Variants in RCL1 observed in about 807,000 individuals in gnomAD.
The protein encoded by RCL1 is RNA terminal phosphate cyclase like 1, also known as RNA 3'-terminal phosphate cyclase-like protein.
Under a neutral mutation model 42.4 loss-of-function variants are expected in RCL1, and 24 were observed. The observed-to-expected ratio is 0.57, with a 90% CI of 0.41 to 0.80. The LOEUF (loss-of-function observed/expected upper bound fraction) is 0.80. RCL1 is among the 30% of genes least tolerant of loss of function. RCL1 has a pLI of 0.00. For synonymous variants in RCL1, 228 were observed against 177.3 expected (o/e 1.29, Z -2.27); for missense variants, 578 against 467.9 (o/e 1.24, Z -2.17).
chr9:4,840,794 C>G (rs914460641), intron 5 of RCL1, among the ~76,000 whole-genome samples: 2 of 152,118 alleles, frequency 1.3e-5, no homozygotes, highest in African/African-American at 2.4e-5. Context: ...GGTGTCTGTT[C>G]TGGGCTTAGG....
chr9:4,833,099 C>T (rs749447259), intron 3 of RCL1, 55 bp from the exon 4 acceptor site: 11 of 1,249,432 alleles, frequency 8.8e-6, no homozygotes, highest in Non-Finnish European at 1.3e-5. Flanking sequence ...TTTTTTGACT[C>T]TTGTATTCTG....
chr9:4,825,663 C>G (rs1816736855), intron 2 of RCL1, among the ~76,000 whole-genome samples: 1 of 152,164 alleles, frequency 6.6e-6, no homozygotes, highest in African/African-American at 2.4e-5. Flanking sequence ...AGATTTTGTG[C>G]AGCAGAAATA....
chr9:4,817,518 G>A (rs1179993504), intron 1 of RCL1, among the ~76,000 whole-genome samples: 1 of 149,706 alleles, frequency 6.7e-6, no homozygotes, highest in Non-Finnish European at 1.5e-5. Flanking sequence ...CTGTCATCCA[G>A]GCCACAGTGC....
At chr9:4,855,193 A>G (rs939819877) in intron 8 of RCL1, among the ~76,000 whole-genome samples, 1 of 152,198 alleles carries the variant, frequency 6.6e-6, no homozygotes, top group African/African-American at 2.4e-5. Context: ...TCCCGGGGAA[A>G]AAAAAAGCCT....
At chr9:4,815,581 G>A (rs753080057) in intron 1 of RCL1, among the ~76,000 whole-genome samples, 1 of 152,038 alleles carries the variant, frequency 6.6e-6, no homozygotes, top group Non-Finnish European at 1.5e-5. Context: ...AGGTACAGTA[G>A]CCGCTTAAAG....
chr9:4,814,251 G>C (rs1172320958), intron 1 of RCL1, among the ~76,000 whole-genome samples: 1 of 116,328 alleles, frequency 8.6e-6, no homozygotes, highest in African/African-American at 2.9e-5. Context: ...TATACCTAAC[G>C]TAAGAGTTTT....
At chr9:4,821,986 C>G (rs1367476114) in intron 1 of RCL1, among the ~76,000 whole-genome samples, 1 of 152,196 alleles carries the variant, frequency 6.6e-6, no homozygotes, top group Non-Finnish European at 1.5e-5. Flanking sequence ...GGGAATGACA[C>G]TCTGTGCCTC....
At position 4,856,849 on chromosome 9, in the gene RCL1, C is replaced by G. The variant is rs145230123; in HGVS notation, c.972-3276C>G. Among the ~76,000 whole-genome samples the G allele has an allele frequency of 1.7e-3, 253 of 152,326 alleles. 3 individuals are homozygous for G. Among genetic ancestry groups the G allele is most frequent in the African/African-American group, 5.7e-3 (238 of 41,568 alleles). ...TTGTTAATGTTTCATCTCTTAGCCCCTGATGCGCTGGTCACTTCAGCCACA... is the reference window on the plus strand; with the variant it reads ...TTGTTAATGTTTCATCTCTTAGCCCGTGATGCGCTGGTCACTTCAGCCACA... On this transcript the variant is annotated intron_variant, in intron 8 of 8. Coordinates refer to ENST00000381750, the MANE Select transcript of RCL1 (RefSeq NM_005772.5).
intron 1 of RCL1, among the ~76,000 whole-genome samples, chr9:4,816,017 C>T (rs907395683): frequency 3.3e-5 from 5 of 152,120 alleles, no homozygotes; most frequent in African/African-American, 9.7e-5. Context: ...TTCTGATGCA[C>T]TCTGGCACCC....
At chr9:4,854,544 T>C (rs372026971) in intron 8 of RCL1, among the ~76,000 whole-genome samples, 1 of 152,258 alleles carries the variant, frequency 6.6e-6, no homozygotes, top group East Asian at 1.9e-4. Flanking sequence ...GGTTTGTGCC[T>C]GTGGGGGCTG....
chr9:4,811,933 A>G (rs1424400875), intron 1 of RCL1, among the ~76,000 whole-genome samples: 2 of 152,086 alleles, frequency 1.3e-5, no homozygotes, highest in Non-Finnish European at 1.5e-5. Context: ...TTTGATTTGC[A>G]TTTCCCTGAT....
intron 5 of RCL1, among the ~76,000 whole-genome samples, chr9:4,838,770 A>G (rs964115505): frequency 3.3e-5 from 5 of 152,200 alleles, no homozygotes; most frequent in Non-Finnish European, 5.9e-5. Context: ...GTGAGTATAT[A>G]TGTTTCTCAG....
chr9:4,853,543 G>C (rs1470586968), intron 8 of RCL1, among the ~76,000 whole-genome samples: 1 of 151,930 alleles, frequency 6.6e-6, no homozygotes, highest in Admixed American at 6.6e-5. Flanking sequence ...GGATGATCTC[G>C]ATCTCCTGAC....
At chr9:4,816,184 G>C (rs57932662) in intron 1 of RCL1, among the ~76,000 whole-genome samples, 8,612 of 152,070 alleles carry the variant, frequency 0.057, 329 homozygotes, top group African/African-American at 0.11. Context: ...CAGATATTTT[G>C]CTCATTTTTC....
chr9:4,854,666 A>G, intron 8 of RCL1, among the ~76,000 whole-genome samples: 1 of 152,132 alleles, frequency 6.6e-6, no homozygotes, highest in East Asian at 1.9e-4. Flanking sequence ...CAGCCTGTCA[A>G]ATCCTGGTCA....
chr9:4,817,174 C>T (rs1351303289), intron 1 of RCL1, among the ~76,000 whole-genome samples: 4 of 152,050 alleles, frequency 2.6e-5, no homozygotes, highest in Admixed American at 6.5e-5. Context: ...ACTTCATCAG[C>T]GACCTTTTCT....
At chr9:4,849,642 C>G (rs1280863012) in intron 8 of RCL1, 92 bp downstream of exon 8, 4 of 858,328 alleles carry the variant, frequency 4.7e-6, no homozygotes, top group Non-Finnish European at 7.7e-6. Context: ...ACAGAGCCTG[C>G]ACTATGAACA....
intron 1 of RCL1, among the ~76,000 whole-genome samples, chr9:4,793,475 T>C (rs574535060): frequency 2.2e-4 from 34 of 152,264 alleles, no homozygotes; most frequent in Non-Finnish European, 4.7e-4. Flanking sequence ...AGTAAACAGC[T>C]GCACGTTTTC....
chr9:4,834,207 G>A lies in RCL1; in HGVS notation c.526G>A (p.Val176Ile), dbSNP rs1817045731. Reference sequence around the variant, plus strand: ...GGTTTTCTCATGTCCTGTGAGGAAGGTCTTGAAGCCCATTCAACTCACAGA... The same window carrying A: ...GGTTTTCTCATGTCCTGTGAGGAAGATCTTGAAGCCCATTCAACTCACAGA... ...EVVFSCPVRK[V>I]LKPIQLTDPG... The change falls in exon 5 of 9, where the codon GTC becomes ATC. Residue 176 changes from valine (V) to isoleucine (I), a missense_variant. Coordinates refer to ENST00000381750, the MANE Select transcript of RCL1 (RefSeq NM_005772.5). 1 of 1,613,802 alleles carries A rather than the reference G, an allele frequency of 6.2e-7. No individual in the cohort carries two copies. The highest frequency in any genetic ancestry group is 8.5e-7 in the Non-Finnish European group (1 of 1,179,804).
Sources: gnomAD v4.1 joint callset for allele counts (sites outside exome capture counted in the v4.1 genomes callset) on GRCh38, gnomAD v4.1.1 for gene constraint, MANE v1.5 for transcripts, NCBI Gene and HGNC (gene_info 2026-07-23, HGNC 2026-07-21) for gene names.